The following RUNX2 variants were observed in gnomAD, a reference collection of about 807,000 sequenced individuals.
RUNX2 encodes runt-related transcription factor 2.
RUNX2 carries 10 observed loss-of-function variants against 51.7 expected under a neutral mutation model. The ratio of observed to expected loss-of-function variants is 0.19; its 90% CI spans 0.12 to 0.33. The LOEUF is 0.33. Ranked by LOEUF, RUNX2 falls within the 10% of genes least tolerant of loss-of-function variation. The pLI is 1.00. For missense variants in RUNX2, 562 were observed against 691.3 expected (o/e 0.81, Z 2.10); for synonymous variants, 276 against 273.6 (o/e 1.01, Z -0.09).
chr6:45,512,453 G>C, intron 7 of RUNX2, 46 bp downstream of exon 7: 1 of 1,601,680 alleles, frequency 6.2e-7, no homozygotes, highest in African/African-American at 1.3e-5. Flanking sequence ...CACAGGGGTC[G>C]GGGGGAGTGG....
chr6:45,470,917 C>G (rs1799781336), intron 5 of RUNX2, among the ~76,000 whole-genome samples: 2 of 152,198 alleles, frequency 1.3e-5, no homozygotes, highest in African/African-American at 4.8e-5. Flanking sequence ...AACCCATTTC[C>G]TCTACCACTC....
At chr6:45,330,854 T>C (rs1481952616) in intron 2 of RUNX2, among the ~76,000 whole-genome samples, 1 of 151,882 alleles carries the variant, frequency 6.6e-6, no homozygotes, top group East Asian at 1.9e-4. Context: ...CTCAGACTAA[T>C]TACAGGTGAG....
intron 5 of RUNX2, among the ~76,000 whole-genome samples, chr6:45,454,844 T>C (rs1799276162): frequency 6.6e-6 from 1 of 152,252 alleles, no homozygotes; most frequent in South Asian, 2.1e-4. Flanking sequence ...CCGGGCATGC[T>C]GGCTCATGCC....
At chr6:45,400,158 AGAAG>A (rs1177147203) in intron 2 of RUNX2, among the ~76,000 whole-genome samples, 1 of 124,740 alleles carries the variant, frequency 8.0e-6, no homozygotes, top group Non-Finnish European at 1.7e-5. Context: ...AAGGAAGGAA[AGAAG>A]GAAGGAAGGA....
intron 5 of RUNX2, 86 bp from the exon 6 acceptor site, chr6:45,491,855 C>A (rs902264230): frequency 7.3e-7 from 1 of 1,364,452 alleles, no homozygotes; most frequent in African/African-American, 1.4e-5. Context: ...GCTTAAACTC[C>A]CAGTTTGTAT....
chr6:45,397,405 G>A (rs569555791), intron 2 of RUNX2, among the ~76,000 whole-genome samples: 3 of 152,126 alleles, frequency 2.0e-5, no homozygotes, highest in South Asian at 2.1e-4. Context: ...AACCATGCCC[G>A]GCATATATTT....
chr6:45,457,652 T>C (rs1372717961), intron 5 of RUNX2, among the ~76,000 whole-genome samples: 1 of 152,224 alleles, frequency 6.6e-6, no homozygotes, highest in Non-Finnish European at 1.5e-5. Flanking sequence ...TATTATTTTT[T>C]ATTCAACGCT....
At chr6:45,332,096 A>G (rs1272755338) in intron 2 of RUNX2, among the ~76,000 whole-genome samples, 1 of 151,970 alleles carries the variant, frequency 6.6e-6, no homozygotes, top group Non-Finnish European at 1.5e-5. Flanking sequence ...GCGCTAATCA[A>G]TTACAAACCT....
chr6:45,351,969 T>G (rs373961805), intron 2 of RUNX2, among the ~76,000 whole-genome samples: 8 of 152,308 alleles, frequency 5.3e-5, no homozygotes, highest in African/African-American at 1.9e-4. Flanking sequence ...CTGTCCCTAA[T>G]TCTACCGCTG....
intron 3 of RUNX2, among the ~76,000 whole-genome samples, chr6:45,423,828 T>A (rs1216727101): frequency 6.6e-6 from 1 of 151,896 alleles, no homozygotes; most frequent in Non-Finnish European, 1.5e-5. Flanking sequence ...AACCCTCGAG[T>A]GCTGGGAGGC....
intron 7 of RUNX2, among the ~76,000 whole-genome samples, chr6:45,523,974 A>G (rs1044983305): frequency 6.6e-6 from 1 of 152,130 alleles, no homozygotes; most frequent in African/African-American, 2.4e-5. Context: ...AGATAACTAA[A>G]CAAGTAAAAA....
intron 7 of RUNX2, among the ~76,000 whole-genome samples, chr6:45,519,029 C>T (rs979866068): frequency 2.6e-5 from 4 of 152,084 alleles, no homozygotes; most frequent in Non-Finnish European, 4.4e-5. Flanking sequence ...TAATGAATTA[C>T]TAGAAATCGC....
intron 2 of RUNX2, among the ~76,000 whole-genome samples, chr6:45,399,818 G>C (rs1404814109): frequency 6.9e-6 from 1 of 144,538 alleles, no homozygotes; most frequent in Non-Finnish European, 1.5e-5. Context: ...AGGGAGGGAA[G>C]TAAGGAAGGA....
At chr6:45,383,603 C>T (rs1338618619) in intron 2 of RUNX2, among the ~76,000 whole-genome samples, 1 of 151,706 alleles carries the variant, frequency 6.6e-6, no homozygotes, top group Non-Finnish European at 1.5e-5. Flanking sequence ...GCTAAACATC[C>T]CCTTGTTTAA....
chr6:45,486,366 A>G (rs560619903), intron 5 of RUNX2, among the ~76,000 whole-genome samples: 3 of 152,330 alleles, frequency 2.0e-5, no homozygotes, highest in South Asian at 4.1e-4. Context: ...GCTTGCATGT[A>G]GTAGATAACC....
chr6:45,521,372 A>G (rs1801504339), intron 7 of RUNX2, among the ~76,000 whole-genome samples: 1 of 152,226 alleles, frequency 6.6e-6, no homozygotes, highest in Non-Finnish European at 1.5e-5. Flanking sequence ...TTTTTGCAAT[A>G]TGTTTCATAT....
intron 5 of RUNX2, among the ~76,000 whole-genome samples, chr6:45,459,348 A>G (rs930673222): frequency 6.6e-6 from 1 of 152,234 alleles, no homozygotes; most frequent in Non-Finnish European, 1.5e-5. Context: ...ATATACTTGA[A>G]ATTCTGATCC....
chr6:45,489,169 G>A (rs937071426), intron 5 of RUNX2, among the ~76,000 whole-genome samples: 11 of 152,154 alleles, frequency 7.2e-5, no homozygotes, highest in South Asian at 2.1e-4. Context: ...AGAAAAATGC[G>A]TATGTTTTTG....
At chr6:45,432,042 T>C (rs1401031037) in intron 4 of RUNX2, 23 bp downstream of exon 4, 2 of 1,611,438 alleles carry the variant, frequency 1.2e-6, no homozygotes, top group Admixed American at 1.7e-5. Flanking sequence ...CTTTTGATAC[T>C]GATAATAGAA....
Sources: allele counts gnomAD v4.1 joint callset (sites outside exome capture counted in the v4.1 genomes callset), GRCh38; gene constraint gnomAD v4.1.1; transcripts MANE v1.5; gene names NCBI Gene and HGNC (gene_info 2026-07-23, HGNC 2026-07-21).